AKR1C3: variants seen among roughly 807,000 people sequenced by gnomAD.
AKR1C3 encodes 3-alpha hydroxysteroid dehydrogenase, type II.
AKR1C3 carries 48 observed loss-of-function variants against 43.6 expected under a neutral mutation model. The ratio of observed to expected loss-of-function variants is 1.10; its 90% confidence interval spans 0.87 to 1.40. AKR1C3 has a LOEUF of 1.40. AKR1C3 is among the 40% of genes most tolerant of loss of function. The pLI is 0.00. For missense variants in AKR1C3, 482 were observed against 391.2 expected (o/e 1.23, Z -1.96); for synonymous variants, 162 against 139.6 (o/e 1.16, Z -1.13).
intron 1 of AKR1C3, among the ~76,000 whole-genome samples, chr10:5,076,230 C>T (rs1838712895): frequency 6.6e-6 from 1 of 152,142 alleles, no homozygotes; most frequent in Admixed American, 6.5e-5. Context: ...ATGTGTTCTC[C>T]AAAGTCCATG....
intron 1 of AKR1C3, among the ~76,000 whole-genome samples, chr10:5,051,454 A>C (rs1838152323): frequency 6.6e-6 from 1 of 152,180 alleles, no homozygotes; most frequent in Admixed American, 6.5e-5. Flanking sequence ...ATAATTTATT[A>C]TTTTGATAAT....
At chr10:5,058,127 C>T (rs559786446) in intron 1 of AKR1C3, among the ~76,000 whole-genome samples, 13 of 151,838 alleles carry the variant, frequency 8.6e-5, no homozygotes, top group South Asian at 6.3e-4. Flanking sequence ...TCCTTCTGGG[C>T]GGGGGAGGTT....
At chr10:5,066,133 T>C (rs1838495938) in intron 1 of AKR1C3, among the ~76,000 whole-genome samples, 1 of 152,226 alleles carries the variant, frequency 6.6e-6, no homozygotes, top group Non-Finnish European at 1.5e-5. Context: ...TGGATACCTA[T>C]GCTGTCGAGA....
chr10:5,094,296 T>A, upstream of AKR1C3: 6 of 749,742 alleles, frequency 8.0e-6, no homozygotes, highest in Middle Eastern at 4.1e-4. Flanking sequence ...ACAGACCATA[T>A]AAGACTGCCT....
At chr10:5,058,077 CG>C (rs1284869840) in intron 1 of AKR1C3, among the ~76,000 whole-genome samples, 1 of 151,978 alleles carries the variant, frequency 6.6e-6, no homozygotes, top group African/African-American at 2.4e-5. Flanking sequence ...ACCAATAGCC[CG>C]GGGGGTTTTG....
At chr10:5,095,283 ATTGAAAT>A (rs1392232108) in intron 1 of AKR1C3, among the ~76,000 whole-genome samples, 1 of 152,136 alleles carries the variant, frequency 6.6e-6, no homozygotes, top group Non-Finnish European at 1.5e-5. Flanking sequence ...GGAACTAATT[ATTGAAAT>A]TTGAGTCTCT....
Position 5,077,826 on chromosome 10 carries a change from AAAAAT to A in AKR1C3, c.85-18581_85-18577del, listed in dbSNP as rs1307716965. On this transcript the variant is annotated intron_variant, in intron 1 of 8. Coordinates refer to the AKR1C3 transcript ENST00000439082. ...AGCAAATCTGACCGATTTTCAATGTAAAAATAACATATAAAAACTGTTCTCGGAGT... is the reference window on the plus strand; with the variant it reads ...AGCAAATCTGACCGATTTTCAATGTAAACATATAAAAACTGTTCTCGGAGT... The A allele has an allele frequency of 4.2e-5, 23 of 543,692 alleles. No individual in the cohort carries two copies. In the Admixed American group the frequency reaches 9.6e-4, roughly 23 times the overall value. The allele number at this position is 543,692 out of a possible 1,614,324, so 33.7% of individuals were successfully genotyped here.
chr10:5,073,987 C>A (rs1375430401), intron 1 of AKR1C3, among the ~76,000 whole-genome samples: 1 of 151,880 alleles, frequency 6.6e-6, no homozygotes, highest in Non-Finnish European at 1.5e-5. Flanking sequence ...CCATTCTATT[C>A]AAAGTCACCC....
rs1175173307 is a variant in AKR1C3, at chr10:5,097,432, A to AGC, written c.253-1_253dup. 4 of 1,613,430 alleles carry AGC rather than the reference A, an allele frequency of 2.5e-6. No individual in the cohort carries two copies. The highest frequency in any genetic ancestry group is 3.4e-6 in the Non-Finnish European group (4 of 1,179,624). On this transcript the variant is annotated splice_acceptor_variant, in intron 2 of 8. Coordinates refer to ENST00000380554, the MANE Select transcript of AKR1C3 (RefSeq NM_003739.6). LOFTEE classifies it high-confidence loss of function. ...ATCACCTCCATTCTTTAACCTCTGC[A>AGC]GCTTTGGTCCACTTTTCATCGACCA...
intron 5 of AKR1C3, among the ~76,000 whole-genome samples, chr10:5,100,166 C>T (rs557051183): frequency 7.2e-5 from 11 of 152,220 alleles, no homozygotes; most frequent in Non-Finnish European, 1.3e-4. Flanking sequence ...TGGTGGCACA[C>T]GCCTGTAATC....
chr10:5,063,067 A>G (rs72478266), intron 1 of AKR1C3, among the ~76,000 whole-genome samples: 21,052 of 152,172 alleles, frequency 0.14, 1,812 homozygotes, highest in South Asian at 0.23. Context: ...TAGACCTATA[A>G]AGATGTCCTA....
chr10:5,105,662 A>G lies in AKR1C3; in HGVS notation c.914A>G (p.Tyr305Cys). The change falls in exon 8 of 9, where the codon TAT becomes TGT. Residue 305 changes from tyrosine (Y) to cysteine (C), a missense_variant. By Grantham distance (194) the Tyr-to-Cys change is radical. Coordinates refer to ENST00000380554, the MANE Select transcript of AKR1C3 (RefSeq NM_003739.6). Reference sequence around the variant, plus strand: ...GATGGCCTAGACAGAAATCTCCACTATTTTAACAGTGATAGGTAAGTTTCC... The same window carrying G: ...GATGGCCTAGACAGAAATCTCCACTGTTTTAACAGTGATAGGTAAGTTTCC... ...AIDGLDRNLH[Y>C]FNSDSFASHP... 6.2e-7 allele frequency: 1 copy of G among 1,613,258 alleles called. No homozygotes were observed. The highest frequency in any genetic ancestry group is 1.3e-5 in the African/African-American group (1 of 75,038).
At chr10:5,101,580 T>C (rs190396394) in intron 5 of AKR1C3, among the ~76,000 whole-genome samples, 15 of 152,350 alleles carry the variant, frequency 9.8e-5, no homozygotes, top group Non-Finnish European at 8.8e-5. Context: ...CACTCATTAC[T>C]CTGGACTTGG....
chr10:5,078,262 G>GT (rs1317627495), intron 1 of AKR1C3, among the ~76,000 whole-genome samples: 1 of 152,134 alleles, frequency 6.6e-6, no homozygotes, highest in Non-Finnish European at 1.5e-5. Flanking sequence ...GTGAATGGTG[G>GT]TGAAACCTCG....
chr10:5,069,996 C>G (rs1838586163), intron 1 of AKR1C3, among the ~76,000 whole-genome samples: 1 of 152,108 alleles, frequency 6.6e-6, no homozygotes, highest in Admixed American at 6.5e-5. Context: ...TTTCAAGGAG[C>G]TGCTAGAAAG....
At chr10:5,084,950 T>A (rs2131822410) in intron 1 of AKR1C3, among the ~76,000 whole-genome samples, 2 of 152,326 alleles carry the variant, frequency 1.3e-5, no homozygotes, top group African/African-American at 4.8e-5. Flanking sequence ...TTTGCTGAAG[T>A]TGCTTATCAG....
At chr10:5,084,827 C>A (rs542014601) in intron 1 of AKR1C3, among the ~76,000 whole-genome samples, 4 of 152,046 alleles carry the variant, frequency 2.6e-5, no homozygotes, top group Non-Finnish European at 4.4e-5. Flanking sequence ...GTATTTTATT[C>A]TCTTTGAAGC....
In AKR1C3 at chr10:5,098,864, C is replaced by G. The variant is rs781847053; in HGVS notation, c.432C>G (p.Leu144=). 2 of 1,613,166 alleles carry G rather than the reference C, an allele frequency of 1.2e-6. No homozygotes were observed. Among genetic ancestry groups the G allele is most frequent in the African/African-American group, 2.7e-5 (2 of 74,872 alleles). ...AAGTAATATTTGACATAGTGGATCTCTGTACCACCTGGGAGGTGAGTGCTT... is the reference window on the plus strand; with the variant it reads ...AAGTAATATTTGACATAGTGGATCTGTGTACCACCTGGGAGGTGAGTGCTT... ...NGKVIFDIVD[L]CTTWEAMEKC... Residue 144 remains leucine, a synonymous_variant, in exon 4 of 9, where the codon CTC becomes CTG. Transcript: ENST00000380554.
chr10:5,052,961 C>T (rs566264041), intron 1 of AKR1C3, among the ~76,000 whole-genome samples: 17 of 151,896 alleles, frequency 1.1e-4, no homozygotes, highest in African/African-American at 2.9e-4. Context: ...TACAGAGTGC[C>T]GATTGGTGCA....
Sources: allele counts gnomAD v4.1 joint callset (sites outside exome capture counted in the v4.1 genomes callset), GRCh38; gene constraint gnomAD v4.1.1; transcripts MANE v1.5; gene names NCBI Gene and HGNC (gene_info 2026-07-23, HGNC 2026-07-21).